Variants in ACSM3 observed in about 807,000 individuals in gnomAD.
ACSM3 encodes acyl-CoA synthetase medium chain family member 3, also known as acyl-coenzyme A synthetase ACSM3, mitochondrial.
In ACSM3, 61 loss-of-function variants were observed where a neutral mutation model predicts 74.1. The observed-to-expected ratio is 0.82, with a 90% CI of 0.67 to 1.02. The LOEUF is 1.02. ACSM3 is among the 50% of genes least tolerant of loss of function. The probability of loss-of-function intolerance (pLI) is 0.00; values close to 1 mark genes in which losing one functional copy is unlikely to be tolerated. For missense variants in ACSM3, 660 were observed against 697.0 expected (o/e 0.95, Z 0.60); for synonymous variants, 213 against 241.5 (o/e 0.88, Z 1.09).
chr16:20,705,199 C>T (rs1445203675), intron 1 of ACSM3, among the ~76,000 whole-genome samples: 2 of 152,010 alleles, frequency 1.3e-5, no homozygotes, highest in South Asian at 2.1e-4. Flanking sequence ...CCTGAAACCC[C>T]GTCTCTACTG....
intron 1 of ACSM3, chr16:20,741,366 G>T: frequency 9.3e-7 from 1 of 1,070,878 alleles, no homozygotes; most frequent in Non-Finnish European, 1.3e-6. Flanking sequence ...ACTAGGGACG[G>T]AAACGCCGGC....
intron 2 of ACSM3, among the ~76,000 whole-genome samples, chr16:20,755,370 T>C (rs1240626621): frequency 6.6e-6 from 1 of 152,148 alleles, no homozygotes. Flanking sequence ...CTGACAAAGA[T>C]TTTAAAGTAG....
Position 20,754,877 on chromosome 16 carries a change from G to C in ACSM3, c.-95-696G>C, listed in dbSNP as rs78770642. On this transcript the variant is annotated intron_variant, in intron 2 of 3. Transcript: ENST00000561584. ...CAGTACAAAGAATCTGAATGGCACA[G>C]AGAATCCAAGCTGGGCAGAAGATAA... Among the ~76,000 whole-genome samples the C allele has an allele frequency of 6.6e-3, 1,012 of 152,306 alleles. 18 individuals carry two copies. Among genetic ancestry groups the C allele is most frequent in the African/African-American group, 0.023 (952 of 41,562 alleles).
intron 1 of ACSM3, chr16:20,691,354 T>G (rs2079650100): frequency 3.6e-6 from 2 of 552,060 alleles, no homozygotes; most frequent in Middle Eastern, 4.7e-4. Flanking sequence ...CACCAGAATT[T>G]GGAAGGCACC....
intron 1 of ACSM3, among the ~76,000 whole-genome samples, chr16:20,723,155 T>C (rs1415891143): frequency 2.6e-5 from 4 of 152,200 alleles, no homozygotes; most frequent in African/African-American, 9.7e-5. Flanking sequence ...GTCCTTGCGA[T>C]AGTTTGCTCA....
intron 1 of ACSM3, among the ~76,000 whole-genome samples, chr16:20,708,307 A>G (rs1271331251): frequency 6.6e-6 from 1 of 152,066 alleles, no homozygotes; most frequent in East Asian, 1.9e-4. Flanking sequence ...TCTCAAAAAC[A>G]ACAACAACAA....
intron 1 of ACSM3, among the ~76,000 whole-genome samples, chr16:20,699,841 C>T (rs945620274): frequency 6.6e-6 from 1 of 152,152 alleles, no homozygotes; most frequent in African/African-American, 2.4e-5. Context: ...ATTTTCTCAT[C>T]TTTAACAAGA....
At chr16:20,720,461 G>A (rs1000224579) in intron 1 of ACSM3, among the ~76,000 whole-genome samples, 1 of 152,178 alleles carries the variant, frequency 6.6e-6, no homozygotes, top group African/African-American at 2.4e-5. Context: ...AGGAGGCGGA[G>A]CTCAGGCCAT....
At chr16:20,731,598 C>A in intron 1 of ACSM3, 1 of 298,340 alleles carries the variant, frequency 3.4e-6, no homozygotes, top group Admixed American at 5.5e-5. Context: ...AAAAACAGAG[C>A]AAGATAAATT....
chr16:20,726,827 C>G (rs13337674), intron 1 of ACSM3, among the ~76,000 whole-genome samples: 64,869 of 152,056 alleles, frequency 0.43, 16,382 homozygotes, highest in Non-Finnish European at 0.58. Context: ...GGTGAGATCA[C>G]CTTGACAAGT....
intron 1 of ACSM3, chr16:20,741,952 C>T: frequency 6.5e-7 from 1 of 1,531,262 alleles, no homozygotes; most frequent in Non-Finnish European, 8.7e-7. Context: ...TCCTGCCCCG[C>T]CTCCCGACTG....
At chr16:20,713,961 ATCT>A (rs2079752530) in intron 1 of ACSM3, among the ~76,000 whole-genome samples, 1 of 152,166 alleles carries the variant, frequency 6.6e-6, no homozygotes, top group African/African-American at 2.4e-5. Context: ...GTTAGAGTTG[ATCT>A]TCTATTCAAG....
intron 8 of ACSM3, 144 bp from the exon 9 acceptor site, chr16:20,785,934 C>T: frequency 2.0e-6 from 1 of 500,282 alleles, no homozygotes; most frequent in Non-Finnish European, 3.5e-6. Flanking sequence ...TATGTTATCA[C>T]TACATTCCAT....
At chr16:20,786,032 T>C (rs772817635) in intron 8 of ACSM3, 46 bp from the exon 9 acceptor site, 2 of 1,333,998 alleles carry the variant, frequency 1.5e-6, no homozygotes, top group Non-Finnish European at 1.0e-6. Context: ...TGAATAAATT[T>C]TAAGTGACTT....
intron 1 of ACSM3, chr16:20,711,357 A>T: frequency 2.4e-6 from 1 of 415,662 alleles, no homozygotes; most frequent in Non-Finnish European, 4.5e-6. Flanking sequence ...ATCAAGGCAG[A>T]GGTAACTGAA....
intron 1 of ACSM3, chr16:20,685,073 C>A: frequency 9.7e-7 from 1 of 1,031,372 alleles, no homozygotes; most frequent in Non-Finnish European, 1.5e-6. Context: ...AGCACAGAAA[C>A]TGGGGCGAAG....
At chr16:20,768,988 C>G (rs1471798786) in intron 1 of ACSM3, among the ~76,000 whole-genome samples, 1 of 152,166 alleles carries the variant, frequency 6.6e-6, no homozygotes, top group Non-Finnish European at 1.5e-5. Context: ...TAGGGTAAAA[C>G]TGCAATAACT....
At chr16:20,792,634 G>C (rs1258485936) in intron 12 of ACSM3, 1 of 985,290 alleles carries the variant, frequency 1.0e-6, no homozygotes, top group East Asian at 1.1e-4. Flanking sequence ...GCTCACGTCA[G>C]GATGGGGTGA....
chr16:20,785,457 T>C (rs1439417793), intron 8 of ACSM3, among the ~76,000 whole-genome samples: 1 of 152,196 alleles, frequency 6.6e-6, no homozygotes, highest in Admixed American at 6.5e-5. Context: ...GCTGAGATCC[T>C]TGCTGCCTGA....
Sources: allele counts gnomAD v4.1 joint callset (sites outside exome capture counted in the v4.1 genomes callset), GRCh38; gene constraint gnomAD v4.1.1; transcripts MANE v1.5; gene names NCBI Gene and HGNC (gene_info 2026-07-23, HGNC 2026-07-21).